DNAH14: variants seen among roughly 807,000 people sequenced by gnomAD.
DNAH14 encodes the protein dynein axonemal heavy chain 14.
In DNAH14, 478 loss-of-function variants were observed where a neutral mutation model predicts 520.9. The observed-to-expected ratio is 0.92, with a 90% CI of 0.85 to 0.99. The LOEUF is 0.99. Among genes scored for constraint, DNAH14 ranks in the 50% least tolerant of loss-of-function variants. DNAH14 has a pLI of 0.00. For missense variants in DNAH14, 4,831 were observed against 5,234.5 expected (o/e 0.92, Z 2.38); for synonymous variants, 1,581 against 1,757.2 (o/e 0.90, Z 2.51).
intron 52 of DNAH14, among the ~76,000 whole-genome samples, chr1:225,273,959 T>C (rs2093385744): frequency 6.6e-6 from 1 of 152,196 alleles, no homozygotes; most frequent in Non-Finnish European, 1.5e-5. Flanking sequence ...AACTTCATTC[T>C]TCTCATTAAC....
intron 25 of DNAH14, 169 bp downstream of exon 25, chr1:225,118,168 A>G: frequency 3.0e-6 from 2 of 671,376 alleles, no homozygotes; most frequent in Non-Finnish European, 5.4e-6. Flanking sequence ...ACAATACATA[A>G]TCTCACCTTT....
chr1:225,395,966 CAA>C (rs2096005829), intron 84 of DNAH14: 2 of 152,092 alleles, frequency 1.3e-5, no homozygotes, highest in African/African-American at 4.8e-5. Flanking sequence ...TCCTACAAGG[CAA>C]AAGACTCTGA....
rs1328952132 is a variant in DNAH14, at chr1:225,145,371, G to A, written c.4786G>A (p.Asp1596Asn). 6.5e-7 allele frequency: 1 copy of A among 1,545,834 alleles called. No homozygotes were observed. The highest frequency in any genetic ancestry group is 8.7e-7 in the Non-Finnish European group (1 of 1,144,486). ...GGTCTTCAACTGTTTTGAGGATTTG[G>A]ATTATAAGGTAAACCTTAAACATAT... is the stretch of plus-strand genomic sequence containing the variant. ...CVVFNCFEDL[D>N]YKIVRKFFFG... Residue 1596 changes from aspartate (D) to asparagine (N), a missense_variant, in exon 30 of 86, where the codon GAT (aspartate) becomes AAT (asparagine). Asp to Asn is a conservative substitution (Grantham distance 23). Transcript: ENST00000682510.
intron 1 of DNAH14, among the ~76,000 whole-genome samples, chr1:224,950,952 G>A (rs1558493757): frequency 6.6e-6 from 1 of 151,892 alleles, no homozygotes; most frequent in African/African-American, 2.4e-5. Flanking sequence ...TTTCTCTTTT[G>A]TTATATGGTA....
rs1416944653 is a variant in DNAH14 at position 225,381,409 on chromosome 1, T to G, written c.12907T>G (p.Leu4303Val). The change falls in exon 81 of 86, where the codon TTG becomes GTG. Residue 4303 changes from leucine (L) to valine (V), a missense_variant. Physicochemically the swap from Leu to Val is conservative, Grantham distance 32. Transcript: ENST00000682510. ...TCACGACCCCCTTATCCATTGTGTC[T>G]TGCTAACCTTTTTGAAGCAAGAAAT... ...KDHDPLIHCV[L>V]LTFLKQEIKR... The G allele has an allele frequency of 1.3e-6, 2 of 1,549,826 alleles. No individual in the cohort carries two copies. Among genetic ancestry groups the G allele is most frequent in the African/African-American group, 2.7e-5 (2 of 72,918 alleles).
At chr1:225,274,197 A>ATTTTTTTTTTTTT (rs869247051) in intron 52 of DNAH14, among the ~76,000 whole-genome samples, 17 of 92,878 alleles carry the variant, frequency 1.8e-4, no homozygotes, top group East Asian at 3.3e-4. Context: ...AGCATCTGTT[A>ATTTTTTTTTTTTT]TTTTTTTTTT....
In DNAH14 at chr1:225,273,059, A is replaced by C; in HGVS notation, c.7944A>C (p.Leu2648Phe). 6.4e-7 allele frequency: 1 copy of C among 1,551,660 alleles called. No homozygotes were observed. The highest frequency in any genetic ancestry group is 8.7e-7 in the Non-Finnish European group (1 of 1,146,976). ...HEATRVFHDR[L>F]IDFTDKSLFY... ...CCACCCGAGTATTTCACGATCGCTT[A>C]ATTGATTTCACTGATAAAAGCCTTT... Residue 2648 changes from leucine (L) to phenylalanine (F), a missense_variant, in exon 52 of 86, where the codon TTA becomes TTC. Leu to Phe is a conservative substitution (Grantham distance 22). Transcript: ENST00000682510.
chr1:225,040,826 G>T (rs1431532098), intron 12 of DNAH14, among the ~76,000 whole-genome samples: 1 of 152,100 alleles, frequency 6.6e-6, no homozygotes, highest in Non-Finnish European at 1.5e-5. Flanking sequence ...CAATTTCAAT[G>T]ACCTTTAGCA....
chr1:225,270,733 A>G lies in DNAH14; in HGVS notation c.7540-2A>G. On this transcript the variant is annotated splice_acceptor_variant, in intron 49 of 85. Transcript: ENST00000682510. LOFTEE classifies it high-confidence loss of function. ...TACTCTTCCTTTTTATCCTTATCAC[A>G]GAATATTCAAGATCTGTCTATAGTT... 1 of 1,550,722 alleles carries G rather than the reference A, an allele frequency of 6.4e-7. No homozygotes were observed. Among genetic ancestry groups the G allele is most frequent in the Non-Finnish European group, 8.7e-7 (1 of 1,146,494 alleles).
intron 23 of DNAH14, among the ~76,000 whole-genome samples, chr1:225,103,282 G>A (rs1465244638): frequency 3.3e-5 from 5 of 152,110 alleles, no homozygotes. Flanking sequence ...ATGCTGTTTT[G>A]GTTACTATAG....
chr1:225,324,310 G>A lies in DNAH14; in HGVS notation c.9584G>A (p.Cys3195Tyr). 6.4e-7 allele frequency: 1 copy of A among 1,551,844 alleles called. No homozygotes were observed. The highest frequency in any genetic ancestry group is 8.7e-7 in the Non-Finnish European group (1 of 1,147,018). ...GTTTCTGTTGCTTGTTGCTCCCTGTGCCAGTGGGTTATAGCTTTGAATAAC... is the reference window on the plus strand; with the variant it reads ...GTTTCTGTTGCTTGTTGCTCCCTGTACCAGTGGGTTATAGCTTTGAATAAC... ...SLVSVACCSL[C>Y]QWVIALNNYH... Residue 3195 changes from cysteine to tyrosine, a missense_variant, in exon 63 of 86, where the codon TGC becomes TAC. By Grantham distance (194) the Cys-to-Tyr change is radical. Coordinates refer to ENST00000682510, the MANE Select transcript of DNAH14 (RefSeq NM_001367479.1).
chr1:225,217,373 T>G (rs1038963048), intron 41 of DNAH14, among the ~76,000 whole-genome samples: 4 of 152,320 alleles, frequency 2.6e-5, no homozygotes, highest in Admixed American at 6.5e-5. Context: ...GGAGGCAGTC[T>G]GTCTGTTCTC....
intron 27 of DNAH14, among the ~76,000 whole-genome samples, chr1:225,124,738 C>T (rs1040420563): frequency 1.3e-5 from 2 of 152,030 alleles, no homozygotes; most frequent in Admixed American, 1.3e-4. Context: ...CTATTTTGAC[C>T]TTCTTCCATG....
At chr1:225,043,595 G>T in intron 13 of DNAH14, 149 bp from the exon 14 acceptor site, 1 of 607,928 alleles carries the variant, frequency 1.6e-6, no homozygotes, top group Non-Finnish European at 2.9e-6. Flanking sequence ...TTGGAATGGG[G>T]TGTACTGCTT....
In DNAH14 at chr1:225,079,516, C is replaced by G; in HGVS notation, c.2734C>G (p.Leu912Val). The change falls in exon 18 of 86, where the codon CTA (leucine) becomes GTA (valine). Residue 912 changes from leucine to valine, a missense_variant. Leu to Val is a conservative substitution (Grantham distance 32, BLOSUM62 1). Transcript: ENST00000682510. ...TAACTTGGAAGCATGTATCAGTGGT[C>G]TACATGTTGATGTTGGCAATTTAAA... is the stretch of plus-strand genomic sequence containing the variant. ...RDNLEACISG[L>V]HVDVGNLKAK... 1 of 1,522,160 alleles carries G rather than the reference C, an allele frequency of 6.6e-7. No homozygotes were observed. The allele number at this position is 1,522,160 out of a possible 1,614,324, so 94.3% of individuals were successfully genotyped here.
At chr1:225,350,674 T>C (rs1030654687) in intron 71 of DNAH14, among the ~76,000 whole-genome samples, 7 of 152,056 alleles carry the variant, frequency 4.6e-5, no homozygotes, top group Admixed American at 2.0e-4. Context: ...AAATTCCTTG[T>C]AGTCTACCGA....
chr1:225,264,769 G>T (rs1191866628), intron 47 of DNAH14, among the ~76,000 whole-genome samples: 2 of 152,136 alleles, frequency 1.3e-5, no homozygotes, highest in East Asian at 3.8e-4. Context: ...AAAGGGGAAG[G>T]ATGCCACACC....
At chr1:225,368,161 A>G (rs2095576031) in intron 77 of DNAH14, 129 bp downstream of exon 77, 3 of 779,268 alleles carry the variant, frequency 3.8e-6, no homozygotes, top group South Asian at 1.9e-5. Flanking sequence ...TAACTAGGCA[A>G]TAAGGGCTAA....
intron 17 of DNAH14, among the ~76,000 whole-genome samples, chr1:225,054,970 C>G (rs912079287): frequency 2.0e-5 from 3 of 151,788 alleles, no homozygotes; most frequent in Non-Finnish European, 4.4e-5. Flanking sequence ...TTCCATTTCA[C>G]CTTATATTTT....
Sources: allele counts gnomAD v4.1 joint callset (sites outside exome capture counted in the v4.1 genomes callset), GRCh38; gene constraint gnomAD v4.1.1; transcripts MANE v1.5; gene names NCBI Gene and HGNC (gene_info 2026-07-23, HGNC 2026-07-21).